Variants in ECHDC1 observed in about 807,000 individuals in gnomAD.
The protein encoded by ECHDC1 is ethylmalonyl-CoA decarboxylase 1, also known as ethylmalonyl-CoA decarboxylase.
A neutral mutation model predicts 29.7 loss-of-function variants in ECHDC1; 29 were observed. The ratio of observed to expected loss-of-function variants is 0.98; its 90% CI spans 0.73 to 1.33. The LOEUF (loss-of-function observed/expected upper bound fraction) is 1.33, where lower values mean the gene tolerates loss of function less well. ECHDC1 is among the 40% of genes most tolerant of loss of function. The pLI is 0.00. For missense variants in ECHDC1, 328 were observed against 350.0 expected (o/e 0.94, Z 0.50); for synonymous variants, 126 against 123.1 (o/e 1.02, Z -0.15).
At chr6:127,291,630 A>G (rs1446105882) in intron 5 of ECHDC1, among the ~76,000 whole-genome samples, 1 of 152,186 alleles carries the variant, frequency 6.6e-6, no homozygotes, top group Non-Finnish European at 1.5e-5. Flanking sequence ...TGCATGCTTC[A>G]AGAAGCTTTC....
intron 1 of ECHDC1, among the ~76,000 whole-genome samples, chr6:127,335,666 G>A (rs1013736699): frequency 1.5e-4 from 23 of 151,924 alleles, no homozygotes; most frequent in East Asian, 1.9e-4. Context: ...TATGGTTACC[G>A]AATAAAGAAT....
At chr6:127,306,267 T>A (rs76618670) in intron 5 of ECHDC1, among the ~76,000 whole-genome samples, 2,130 of 152,228 alleles carry the variant, frequency 0.014, 28 homozygotes, top group Non-Finnish European at 0.021. Context: ...ACAATTTTTA[T>A]GCCACCCATC....
chr6:127,297,283 A>G (rs1780688084), intron 5 of ECHDC1, among the ~76,000 whole-genome samples: 1 of 152,242 alleles, frequency 6.6e-6, no homozygotes, highest in Non-Finnish European at 1.5e-5. Context: ...TGCCATTAGT[A>G]TTACTAAAAA....
intron 1 of ECHDC1, chr6:127,342,468 A>T (rs1562341066): frequency 7.5e-7 from 1 of 1,340,446 alleles, no homozygotes; most frequent in Non-Finnish European, 1.0e-6. Flanking sequence ...CCCAATAAAA[A>T]ATCAAGAAAG....
intron 5 of ECHDC1, among the ~76,000 whole-genome samples, chr6:127,309,992 T>C (rs1316560827): frequency 4.6e-5 from 7 of 152,114 alleles, no homozygotes; most frequent in Admixed American, 4.6e-4. Flanking sequence ...AGGATTACAA[T>C]TCAACATGAG....
At chr6:127,292,339 CTA>C (rs1780263049) in intron 5 of ECHDC1, among the ~76,000 whole-genome samples, 1 of 151,978 alleles carries the variant, frequency 6.6e-6, no homozygotes, top group Non-Finnish European at 1.5e-5. Context: ...ATCATCATCT[CTA>C]TGGTGATTTT....
intron 3 of ECHDC1, among the ~76,000 whole-genome samples, chr6:127,321,776 G>T (rs1041719625): frequency 2.0e-5 from 3 of 152,164 alleles, no homozygotes; most frequent in African/African-American, 7.2e-5. Context: ...GCTGAGGCAG[G>T]TAGATCACCT....
intron 1 of ECHDC1, among the ~76,000 whole-genome samples, chr6:127,336,439 C>T (rs1313719852): frequency 6.6e-6 from 1 of 152,090 alleles, no homozygotes; most frequent in Non-Finnish European, 1.5e-5. Flanking sequence ...CTCCATTACC[C>T]AAAACTGCAG....
At chr6:127,318,008 AT>A (rs1382073830) in intron 3 of ECHDC1, 1 of 152,118 alleles carries the variant, frequency 6.6e-6, no homozygotes, top group Non-Finnish European at 1.5e-5. Context: ...TCTGTATTTA[AT>A]TTCTTTTTCC....
intron 5 of ECHDC1, among the ~76,000 whole-genome samples, chr6:127,304,360 A>G (rs1438801322): frequency 1.3e-5 from 2 of 152,186 alleles, no homozygotes; most frequent in Non-Finnish European, 2.9e-5. Flanking sequence ...TGCCCTCTAA[A>G]GCAGATACAG....
At chr6:127,328,556 T>C (rs1783576582) in intron 2 of ECHDC1, among the ~76,000 whole-genome samples, 1 of 152,210 alleles carries the variant, frequency 6.6e-6, no homozygotes, top group East Asian at 1.9e-4. Flanking sequence ...AAGCAACAAA[T>C]GACTGCACTT....
chr6:127,316,168 C>T (rs1782354986), intron 4 of ECHDC1: 1 of 463,306 alleles, frequency 2.2e-6, no homozygotes, highest in Non-Finnish European at 4.2e-6. Flanking sequence ...TTTAACTTTC[C>T]CAGTATCTAT....
chr6:127,289,176 A>C lies in ECHDC1; in HGVS notation c.*693T>G, dbSNP rs1779894596. On this transcript the variant is annotated 3_prime_UTR_variant, in exon 6 of 6. Transcript: ENST00000454859. ...TCAAGTGGTTTAAAACTACATCAAC[A>C]GTAGTTGTTTATTACTAGTTGGAAA... The C allele has an allele frequency of 6.6e-6, 1 of 152,082 alleles. No homozygotes were observed. Among genetic ancestry groups the C allele is most frequent in the South Asian group, 2.1e-4 (1 of 4,838 alleles). 9.4% of individuals were successfully genotyped at this position (152,082 alleles called of 1,614,324 possible). A position where few individuals can be genotyped will look rare whatever the true frequency, so the allele number is the denominator to read the frequency against.
chr6:127,339,590 T>C (rs577971649), intron 1 of ECHDC1, among the ~76,000 whole-genome samples: 4 of 151,910 alleles, frequency 2.6e-5, no homozygotes, highest in South Asian at 2.1e-4. Context: ...CTGGCCAACA[T>C]GGCGAAACCC....
At chr6:127,311,111 T>A (rs1215291706) in intron 5 of ECHDC1, among the ~76,000 whole-genome samples, 3 of 152,202 alleles carry the variant, frequency 2.0e-5, no homozygotes, top group Non-Finnish European at 2.9e-5. Flanking sequence ...TATTGTGATA[T>A]TAACTTTAGA....
chr6:127,316,630 T>G (rs953901599), intron 3 of ECHDC1, 128 bp from the exon 4 acceptor site: 1 of 699,238 alleles, frequency 1.4e-6, no homozygotes, highest in African/African-American at 1.8e-5. Context: ...CATTTCCATT[T>G]AAAACTCTTT....
Position 127,330,989 on chromosome 6 carries a change from T to C in ECHDC1, c.40A>G (p.Arg14Gly). The C allele has an allele frequency of 6.2e-7, 1 of 1,613,890 alleles. No homozygotes were observed. ...SLLKTASLSG[R>G]TKLLHQTGLS... ...CCTGTTTGATGTAGCAATTTTGTCC[T>C]TCCAGACAGAGAGGCTGTCTTCAAA... The change falls in exon 2 of 6, where the codon AGG becomes GGG. Residue 14 changes from arginine to glycine, a missense_variant. By Grantham distance (125) the Arg-to-Gly change is moderately radical. Transcript: ENST00000454859.
At chr6:127,309,480 AACACACACACACACACACACACACAC>A (rs58621326) in intron 5 of ECHDC1, among the ~76,000 whole-genome samples, 5,378 of 138,404 alleles carry the variant, frequency 0.039, 200 homozygotes, top group Middle Eastern at 0.062. Context: ...CAAACAACAA[AACACACACACACACACACACACACAC>A]ACACACACAC....
At chr6:127,334,660 C>T (rs915095042) in intron 1 of ECHDC1, among the ~76,000 whole-genome samples, 4 of 152,018 alleles carry the variant, frequency 2.6e-5, no homozygotes, top group African/African-American at 9.7e-5. Flanking sequence ...ACCAAATAAC[C>T]AGAGTCCCAC....
Sources: gnomAD v4.1 joint callset for allele counts (sites outside exome capture counted in the v4.1 genomes callset) on GRCh38, gnomAD v4.1.1 for gene constraint, MANE v1.5 for transcripts, NCBI Gene and HGNC (gene_info 2026-07-23, HGNC 2026-07-21) for gene names.